Variants in STMND1 observed in about 807,000 individuals in gnomAD.
STMND1 encodes stathmin domain-containing protein 1.
Under a neutral mutation model 23.0 loss-of-function variants are expected in STMND1, and 17 were observed. The ratio of observed to expected loss-of-function variants is 0.74; its 90% CI spans 0.51 to 1.11. The LOEUF (loss-of-function observed/expected upper bound fraction) is 1.11, where lower values mean the gene tolerates loss of function less well. Ranked by LOEUF, STMND1 falls within the 50% of genes least tolerant of loss-of-function variation. The pLI, the probability that STMND1 is intolerant of heterozygous loss-of-function variation, is 0.00. For synonymous variants in STMND1, 114 were observed against 119.9 expected (o/e 0.95, Z 0.32); for missense variants, 305 against 329.1 (o/e 0.93, Z 0.57).
chr6:17,130,203 TG>T (rs1343322076), intron 4 of STMND1, among the ~76,000 whole-genome samples: 2 of 152,132 alleles, frequency 1.3e-5, no homozygotes, highest in Admixed American at 1.3e-4. Flanking sequence ...CAGTTGAGGC[TG>T]GGGGCAGGAG....
chr6:17,117,430 A>G (rs922858999), intron 2 of STMND1, among the ~76,000 whole-genome samples: 4 of 152,036 alleles, frequency 2.6e-5, no homozygotes, highest in East Asian at 1.9e-4. Flanking sequence ...AATTTTGTCA[A>G]TTGTCTCACA....
chr6:17,124,367 C>T (rs1195315124), intron 3 of STMND1, among the ~76,000 whole-genome samples: 1 of 152,154 alleles, frequency 6.6e-6, no homozygotes, highest in East Asian at 1.9e-4. Context: ...TATTTACATA[C>T]AAGGGCATTT....
intron 1 of STMND1, among the ~76,000 whole-genome samples, chr6:17,112,365 C>T (rs1379405155): frequency 6.6e-6 from 1 of 152,102 alleles, no homozygotes; most frequent in African/African-American, 2.4e-5. Context: ...CATTCATCAT[C>T]TGATGGACAC....
intron 1 of STMND1, 66 bp downstream of exon 1, chr6:17,102,404 G>C: frequency 6.6e-7 from 1 of 1,522,504 alleles, no homozygotes. Context: ...GAGGTCTCGC[G>C]ATTCCCACGC....
Position 17,110,891 on chromosome 6 carries a change from C to A in STMND1, c.82-4071C>A, listed in dbSNP as rs1473043082. 3.3e-5 allele frequency: 15 copies of A among 455,860 alleles called. No individual in the cohort carries two copies. The East Asian group carries it at 1.0e-3, about 32-fold the overall frequency. 28.2% of individuals were successfully genotyped at this position (455,860 alleles called of 1,614,324 possible). ...AGGAGACTTCCTGTGGTATGTGTGT[C>A]TTAGATGGAGAAGACCTTGATAGCA... On this transcript the variant is annotated intron_variant, in intron 1 of 4. Coordinates refer to ENST00000536551, the MANE Select transcript of STMND1 (RefSeq NM_001190766.2).
In STMND1 at chr6:17,130,956, T is replaced by G; in HGVS notation, c.*75T>G. ...ACATTTGTAGTATGTCTCATATTCT[T>G]TGACTGACTGACCTCATTCCACTGG... On this transcript the variant is annotated 3_prime_UTR_variant, in exon 5 of 5. Coordinates refer to ENST00000536551, the MANE Select transcript of STMND1 (RefSeq NM_001190766.2). The G allele has an allele frequency of 7.5e-7, 1 of 1,340,268 alleles. No homozygotes were observed. The highest frequency in any genetic ancestry group is 1.0e-6 in the Non-Finnish European group (1 of 1,002,820). The allele number at this position is 1,340,268 out of a possible 1,614,324, so 83.0% of individuals were successfully genotyped here. A position where few individuals can be genotyped will look rare whatever the true frequency, so the allele number is the denominator to read the frequency against.
Position 17,115,158 on chromosome 6 carries a change from C to A in STMND1, c.259+19C>A, listed in dbSNP as rs1356168977. The A allele has an allele frequency of 1.3e-6, 2 of 1,527,100 alleles. No homozygotes were observed. Among genetic ancestry groups the A allele is most frequent in the African/African-American group, 1.4e-5 (1 of 72,666 alleles). 94.6% of individuals were successfully genotyped at this position (1,527,100 alleles called of 1,614,324 possible). On this transcript the variant is annotated intron_variant, in intron 2 of 4. Transcript: ENST00000536551. ...AATTCAGGTAACCTCCCTCTGCCCC[C>A]ATTCACGTAGATCTTCACAAAATAC...
chr6:17,119,412 T>G (rs4716114), intron 2 of STMND1, among the ~76,000 whole-genome samples: 12,233 of 152,186 alleles, frequency 0.08, 710 homozygotes, highest in Middle Eastern at 0.26. Flanking sequence ...CCATTGAGAT[T>G]GGAAATTTTC....
intron 1 of STMND1, among the ~76,000 whole-genome samples, chr6:17,108,804 C>T: frequency 6.7e-6 from 1 of 149,880 alleles, no homozygotes; most frequent in East Asian, 2.0e-4. Context: ...TCAAGTGATT[C>T]TCCTGCCTCA....
rs1172973681 is a variant in STMND1 at position 17,131,178 on chromosome 6, T to A, written c.*297T>A. ...AATTCATTTATAAGTGCCTTCAGTT[T>A]ACATTAATAAGTTCGTGCCAAATGA... On this transcript the variant is annotated 3_prime_UTR_variant, in exon 5 of 5. Transcript: ENST00000536551. 7.0e-6 allele frequency: 2 copies of A among 284,456 alleles called. No individual in the cohort carries two copies. Among genetic ancestry groups the A allele is most frequent in the East Asian group, 1.2e-4 (2 of 16,162 alleles). 17.6% of individuals were successfully genotyped at this position (284,456 alleles called of 1,614,324 possible).
intron 3 of STMND1, among the ~76,000 whole-genome samples, chr6:17,125,176 G>C (rs1293898888): frequency 6.8e-6 from 1 of 146,758 alleles, no homozygotes; most frequent in East Asian, 2.0e-4. Context: ...AAAAAATTAA[G>C]AGTTAAAGTG....
At chr6:17,117,285 C>A (rs1761174045) in intron 2 of STMND1, among the ~76,000 whole-genome samples, 1 of 151,984 alleles carries the variant, frequency 6.6e-6, no homozygotes, top group African/African-American at 2.4e-5. Context: ...GTCAGTCTGG[C>A]CTCGAACTCC....
At chr6:17,108,285 C>G (rs1489734684) in intron 1 of STMND1, among the ~76,000 whole-genome samples, 1 of 152,166 alleles carries the variant, frequency 6.6e-6, no homozygotes, top group East Asian at 1.9e-4. Context: ...TTGTAATGTA[C>G]AGAAAGTCTT....
chr6:17,105,577 G>A (rs977422030), intron 1 of STMND1, among the ~76,000 whole-genome samples: 5 of 151,964 alleles, frequency 3.3e-5, no homozygotes, highest in Non-Finnish European at 4.4e-5. Flanking sequence ...CCTGGGAGGC[G>A]GAGATTGCGG....
Position 17,120,361 on chromosome 6 carries a change from G to A in STMND1, c.260-246G>A, listed in dbSNP as rs144198892. On this transcript the variant is annotated intron_variant, in intron 2 of 4. Transcript: ENST00000536551. Reference sequence around the variant, plus strand: ...GCAGTCCACAGCAGCACACAGAAAGGCTTTTTGTTATCTTAATATGTGATC... The same window carrying A: ...GCAGTCCACAGCAGCACACAGAAAGACTTTTTGTTATCTTAATATGTGATC... Among the ~76,000 whole-genome samples the A allele has an allele frequency of 2.3e-3, 350 of 152,210 alleles. 1 individual carries two copies. Among genetic ancestry groups the A allele is most frequent in the African/African-American group, 7.9e-3 (328 of 41,522 alleles).
intron 1 of STMND1, among the ~76,000 whole-genome samples, chr6:17,107,111 T>C (rs899288036): frequency 1.3e-5 from 2 of 152,196 alleles, no homozygotes; most frequent in Non-Finnish European, 2.9e-5. Context: ...GAAATTCTTC[T>C]TATATGTCTA....
chr6:17,130,746 G>A lies in STMND1; in HGVS notation c.696G>A (p.Leu232=). 3 of 1,536,098 alleles carry A rather than the reference G, an allele frequency of 2.0e-6. No individual in the cohort carries two copies. The highest frequency in any genetic ancestry group is 1.7e-6 in the Non-Finnish European group (2 of 1,146,912). Residue 232 remains leucine (L), a synonymous_variant, in exon 5 of 5, where the codon CTG becomes CTA. Transcript: ENST00000536551. ...CTGCTGGATTTGAACCATCTGACCT[G>A]CAGGGAGGAAAACCATTGAAGAGGA... ...VRSAGFEPSD[L]QGGKPLKRKK... is the part of the protein sequence containing the mutation.
intron 1 of STMND1, chr6:17,110,751 G>C (rs1561922369): frequency 2.2e-6 from 1 of 454,560 alleles, no homozygotes; most frequent in Non-Finnish European, 4.4e-6. Context: ...CTGGGTGACA[G>C]AGCAAGACTC....
At chr6:17,114,400 G>C (rs1175052357) in intron 1 of STMND1, among the ~76,000 whole-genome samples, 1 of 151,938 alleles carries the variant, frequency 6.6e-6, no homozygotes, top group South Asian at 2.1e-4. Context: ...GAGTAGCTCA[G>C]ATTACAGGCA....
Sources: allele counts gnomAD v4.1 joint callset (sites outside exome capture counted in the v4.1 genomes callset), GRCh38; gene constraint gnomAD v4.1.1; transcripts MANE v1.5; gene names NCBI Gene and HGNC (gene_info 2026-07-23, HGNC 2026-07-21).